TMTC2: variants seen among roughly 807,000 people sequenced by gnomAD.
TMTC2 encodes transmembrane O-mannosyltransferase targeting cadherins 2, also known as protein O-mannosyl-transferase TMTC2.
TMTC2 carries 43 observed loss-of-function variants against 82.4 expected under a neutral mutation model. That is an observed-to-expected ratio of 0.52 (90% confidence interval 0.41 to 0.67). The LOEUF (loss-of-function observed/expected upper bound fraction) is 0.67. Among genes scored for constraint, TMTC2 ranks in the 30% least tolerant of loss-of-function variants. TMTC2 has a pLI of 0.00. For missense variants in TMTC2, 919 were observed against 1,012.4 expected (o/e 0.91, Z 1.25); for synonymous variants, 408 against 381.9 (o/e 1.07, Z -0.80).
chr12:82,802,959 G>C (rs955148153), intron 1 of TMTC2, among the ~76,000 whole-genome samples: 1 of 152,134 alleles, frequency 6.6e-6, no homozygotes, highest in African/African-American at 2.4e-5. Flanking sequence ...TGTTATTAAT[G>C]AAAGTCGGAA....
chr12:82,987,045 T>C (rs1879180749), intron 8 of TMTC2, among the ~76,000 whole-genome samples: 1 of 152,200 alleles, frequency 6.6e-6, no homozygotes, highest in African/African-American at 2.4e-5. Flanking sequence ...AGTGAATTCA[T>C]TGAAAAGTAT....
At chr12:82,874,608 A>C (rs774140019) in intron 2 of TMTC2, among the ~76,000 whole-genome samples, 56 of 152,120 alleles carry the variant, frequency 3.7e-4, no homozygotes, top group Admixed American at 1.1e-3. Context: ...CTTTCAGAAG[A>C]ATCTATTTAC....
At chr12:82,895,018 C>T (rs753307568) in intron 2 of TMTC2, among the ~76,000 whole-genome samples, 2 of 147,120 alleles carry the variant, frequency 1.4e-5, no homozygotes, top group African/African-American at 2.5e-5. Flanking sequence ...GGTTTCACCA[C>T]GTTTGCCAGA....
At chr12:82,923,293 T>C (rs1875501713) in intron 3 of TMTC2, among the ~76,000 whole-genome samples, 1 of 152,224 alleles carries the variant, frequency 6.6e-6, no homozygotes, top group Admixed American at 6.5e-5. Context: ...TTTTCCTTTT[T>C]GTAGAATCCT....
rs189055631 is a variant in TMTC2 at position 83,013,225 on chromosome 12, T to C, written c.2071-17573T>C. The stretch of plus-strand genomic sequence containing the variant: ...TGAGGATTTTTTAATAATGATATTG[T>C]AGATATCCAAACATTTATGAAATTA... On this transcript the variant is annotated intron_variant, in intron 8 of 11. Transcript: ENST00000321196. 1.2e-4 allele frequency among the ~76,000 whole-genome samples: 19 copies of C among 152,306 alleles called. No homozygotes were observed. In the East Asian group the frequency reaches 1.3e-3, roughly 11 times the overall value.
At chr12:82,922,321 G>A (rs1219996119) in intron 3 of TMTC2, among the ~76,000 whole-genome samples, 1 of 152,094 alleles carries the variant, frequency 6.6e-6, no homozygotes, top group African/African-American at 2.4e-5. Context: ...AAGTACCAAA[G>A]TGAAAATTTG....
At chr12:82,743,685 C>A (rs1391866786) in intron 1 of TMTC2, among the ~76,000 whole-genome samples, 1 of 152,126 alleles carries the variant, frequency 6.6e-6, no homozygotes, top group Non-Finnish European at 1.5e-5. Context: ...TGCCCTTCTT[C>A]CTCCACTTTG....
At chr12:82,852,188 G>A (rs527726586) in intron 1 of TMTC2, among the ~76,000 whole-genome samples, 2 of 149,522 alleles carry the variant, frequency 1.3e-5, no homozygotes, top group African/African-American at 2.5e-5. Context: ...TGCAAGCTCC[G>A]CCTCCCGGGT....
At chr12:82,869,575 C>T (rs543075845) in intron 2 of TMTC2, among the ~76,000 whole-genome samples, 2 of 152,296 alleles carry the variant, frequency 1.3e-5, no homozygotes, top group Non-Finnish European at 2.9e-5. Flanking sequence ...CATGGTGACT[C>T]ACACTTGTAA....
At chr12:83,058,773 T>C (rs1882636462) in intron 10 of TMTC2, among the ~76,000 whole-genome samples, 1 of 151,828 alleles carries the variant, frequency 6.6e-6, no homozygotes, top group South Asian at 2.1e-4. Flanking sequence ...CAGCAAGATT[T>C]CTTGCAGAGC....
chr12:83,080,486 A>C (rs1883427357), intron 11 of TMTC2, among the ~76,000 whole-genome samples: 1 of 152,154 alleles, frequency 6.6e-6, no homozygotes, highest in South Asian at 2.1e-4. Flanking sequence ...TAATTTAAAA[A>C]ATTATGAAGT....
intron 1 of TMTC2, among the ~76,000 whole-genome samples, chr12:82,814,765 A>G (rs1316118328): frequency 6.6e-6 from 1 of 152,196 alleles, no homozygotes; most frequent in Non-Finnish European, 1.5e-5. Flanking sequence ...AGAAATAGTC[A>G]GATGTGGTTG....
intron 8 of TMTC2, among the ~76,000 whole-genome samples, chr12:83,013,889 G>T (rs1880562750): frequency 6.6e-6 from 1 of 152,118 alleles, no homozygotes. Flanking sequence ...TATTTCTAGG[G>T]CGAGGTGGGC....
chr12:83,085,972 A>G (rs984465606), intron 11 of TMTC2, among the ~76,000 whole-genome samples: 2 of 152,198 alleles, frequency 1.3e-5, no homozygotes, highest in African/African-American at 4.8e-5. Context: ...TGTGTAATAA[A>G]GTGATTCTCA....
chr12:83,060,454 A>T (rs1882699599), intron 10 of TMTC2, among the ~76,000 whole-genome samples: 1 of 151,672 alleles, frequency 6.6e-6, no homozygotes, highest in Non-Finnish European at 1.5e-5. Flanking sequence ...GAGAAAGTTA[A>T]TTTTTGTGTT....
intron 4 of TMTC2, among the ~76,000 whole-genome samples, chr12:82,943,443 A>C: frequency 6.6e-6 from 1 of 152,072 alleles, no homozygotes; most frequent in East Asian, 1.9e-4. Flanking sequence ...CTCCCTACAC[A>C]CTTTTACATT....
chr12:82,886,109 G>T (rs926023928), intron 2 of TMTC2, among the ~76,000 whole-genome samples: 1 of 152,052 alleles, frequency 6.6e-6, no homozygotes, highest in Non-Finnish European at 1.5e-5. Flanking sequence ...AATTCTTCCA[G>T]CTTTGGCCAT....
chr12:83,047,021 A>T (rs779842574), intron 9 of TMTC2, among the ~76,000 whole-genome samples: 1 of 152,234 alleles, frequency 6.6e-6, no homozygotes, highest in Non-Finnish European at 1.5e-5. Context: ...TTTTGGGCAT[A>T]AAAATGAAAG....
chr12:83,102,680 GCTTCATAGCTGTC>G (rs1347254849), intron 11 of TMTC2, among the ~76,000 whole-genome samples: 1 of 152,140 alleles, frequency 6.6e-6, no homozygotes, highest in Admixed American at 6.5e-5. Flanking sequence ...ATGTCAAAGT[GCTTCATAGCTGTC>G]TGTGTTTTGT....
Sources: gnomAD v4.1 joint callset for allele counts (sites outside exome capture counted in the v4.1 genomes callset) on GRCh38, gnomAD v4.1.1 for gene constraint, MANE v1.5 for transcripts, NCBI Gene and HGNC (gene_info 2026-07-23, HGNC 2026-07-21) for gene names.